NFIA: variants seen among roughly 807,000 people sequenced by gnomAD.
NFIA encodes nuclear factor I A, also known as nuclear factor 1 A-type.
Under a neutral mutation model 62.8 loss-of-function variants are expected in NFIA, and 8 were observed. That is an observed-to-expected ratio of 0.13 (90% CI 0.07 to 0.23). The LOEUF (loss-of-function observed/expected upper bound fraction) is 0.23. NFIA is among the 10% of genes least tolerant of loss of function. The pLI is 1.00. For synonymous variants in NFIA, 235 were observed against 238.1 expected, an observed-to-expected ratio of 0.99 and a Z score of 0.12; for missense variants, 410 against 642.1, an observed-to-expected ratio of 0.64 and a Z score of 3.91.
At chr1:61,104,084 C>A (rs1482583518) in intron 2 of NFIA, among the ~76,000 whole-genome samples, 1 of 152,032 alleles carries the variant, frequency 6.6e-6, no homozygotes, top group Non-Finnish European at 1.5e-5. Context: ...TTATCAAGTG[C>A]CTACTATGTG....
chr1:61,314,267 T>C (rs962567977), intron 3 of NFIA, among the ~76,000 whole-genome samples: 7 of 152,128 alleles, frequency 4.6e-5, no homozygotes, highest in East Asian at 1.9e-4. Flanking sequence ...CCACATTGTA[T>C]TGTAATGCTT....
intron 3 of NFIA, among the ~76,000 whole-genome samples, chr1:61,286,624 C>T (rs1658520071): frequency 6.6e-6 from 1 of 152,146 alleles, no homozygotes; most frequent in Non-Finnish European, 1.5e-5. Flanking sequence ...ATGTTCTAGG[C>T]ATCACACTGA....
intron 2 of NFIA, among the ~76,000 whole-genome samples, chr1:61,147,381 C>A (rs1482845328): frequency 6.6e-6 from 1 of 152,148 alleles, no homozygotes; most frequent in African/African-American, 2.4e-5. Context: ...AAACTCCTGA[C>A]CTCAAGTGAT....
intron 2 of NFIA, among the ~76,000 whole-genome samples, chr1:61,190,454 A>C (rs764839334): frequency 6.6e-6 from 1 of 152,242 alleles, no homozygotes; most frequent in Non-Finnish European, 1.5e-5. Context: ...ATTGGGATTT[A>C]AAGTTCCAAA....
At chr1:61,362,699 A>T (rs895481144) in intron 6 of NFIA, among the ~76,000 whole-genome samples, 1 of 152,330 alleles carries the variant, frequency 6.6e-6, no homozygotes, top group Admixed American at 6.5e-5. Context: ...ATTAAAGATG[A>T]TGTTAGTTTA....
intron 2 of NFIA, among the ~76,000 whole-genome samples, chr1:61,164,881 T>C (rs1649466762): frequency 6.6e-6 from 1 of 152,190 alleles, no homozygotes; most frequent in Non-Finnish European, 1.5e-5. Flanking sequence ...GAAACCCAAC[T>C]GCAGGACCTG....
chr1:61,391,471 CA>C (rs1375134290), intron 7 of NFIA, among the ~76,000 whole-genome samples: 1 of 148,108 alleles, frequency 6.8e-6, no homozygotes, highest in Non-Finnish European at 1.5e-5. Context: ...CACACACACA[CA>C]CACACACACA....
intron 4 of NFIA, among the ~76,000 whole-genome samples, chr1:61,352,247 A>G (rs943268887): frequency 2.0e-5 from 3 of 152,220 alleles, no homozygotes; most frequent in African/African-American, 7.2e-5. Flanking sequence ...AAGATGAAAA[A>G]TATATTAGAA....
intron 2 of NFIA, among the ~76,000 whole-genome samples, chr1:61,160,800 A>G (rs1649144587): frequency 6.6e-6 from 1 of 152,244 alleles, no homozygotes; most frequent in Non-Finnish European, 1.5e-5. Context: ...AATGGTTGTC[A>G]TCATGATATA....
chr1:61,347,977 G>A (rs545520857), intron 4 of NFIA, among the ~76,000 whole-genome samples: 1 of 152,264 alleles, frequency 6.6e-6, no homozygotes, highest in East Asian at 1.9e-4. Context: ...AATGCACTTT[G>A]AGGTTTGAGA....
At chr1:61,079,472 A>G (rs1646069869), upstream of NFIA, among the ~76,000 whole-genome samples, 1 of 152,236 alleles carries the variant, frequency 6.6e-6, no homozygotes, top group Non-Finnish European at 1.5e-5. Flanking sequence ...AAAACACAGT[A>G]AATGCAAGGC....
chr1:61,166,130 C>T (rs1649548215), intron 2 of NFIA, among the ~76,000 whole-genome samples: 1 of 152,054 alleles, frequency 6.6e-6, no homozygotes, highest in South Asian at 2.1e-4. Context: ...ATAATTATTG[C>T]TTTGTTTTAA....
intron 2 of NFIA, among the ~76,000 whole-genome samples, chr1:61,225,044 C>A (rs1654241921): frequency 6.6e-6 from 1 of 152,090 alleles, no homozygotes; most frequent in South Asian, 2.1e-4. Flanking sequence ...ATATTATTTT[C>A]CAGATTCATG....
At chr1:61,348,052 CTGCCT>C (rs1662338959) in intron 4 of NFIA, among the ~76,000 whole-genome samples, 1 of 152,202 alleles carries the variant, frequency 6.6e-6, no homozygotes, top group Non-Finnish European at 1.5e-5. Context: ...TCCAAAAAGC[CTGCCT>C]AAAGCCCACC....
chr1:61,304,674 T>C (rs1389640024), intron 3 of NFIA, among the ~76,000 whole-genome samples: 3 of 152,114 alleles, frequency 2.0e-5, no homozygotes, highest in East Asian at 3.9e-4. Context: ...CTGATTTTTT[T>C]TTTTGTAGGA....
Position 61,087,914 on chromosome 1 carries a change from G to GT in NFIA, c.28-229dup, listed in dbSNP as rs569661367. 5.9e-5 allele frequency among the ~76,000 whole-genome samples: 9 copies of GT among 152,218 alleles called. No homozygotes were observed. In the East Asian group the frequency reaches 1.5e-3, roughly 26 times the overall value. On this transcript the variant is annotated intron_variant, in intron 1 of 10. Transcript: ENST00000403491. Reference sequence around the variant, plus strand: ...GTACCCTGGTGAACATATTAAAACAGTTTTTTAATTTTCAGCAGTTTTTTT... The same window carrying GT: ...GTACCCTGGTGAACATATTAAAACAGTTTTTTTAATTTTCAGCAGTTTTTTT...
upstream of NFIA, among the ~76,000 whole-genome samples, chr1:61,081,470 GCCTATGT>G (rs1179967846): frequency 6.6e-6 from 1 of 152,186 alleles, no homozygotes; most frequent in Non-Finnish European, 1.5e-5. Flanking sequence ...GGTAATGATA[GCCTATGT>G]CCAGTTCTGG....
intron 3 of NFIA, among the ~76,000 whole-genome samples, chr1:61,283,752 G>A (rs1186428014): frequency 1.3e-5 from 2 of 151,406 alleles, no homozygotes; most frequent in African/African-American, 2.4e-5. Flanking sequence ...GTTTTAAATT[G>A]TTTTTACTAC....
chr1:61,312,114 C>A (rs907761163), intron 3 of NFIA, among the ~76,000 whole-genome samples: 3 of 152,216 alleles, frequency 2.0e-5, no homozygotes, highest in Non-Finnish European at 2.9e-5. Flanking sequence ...TGCAGTAACA[C>A]CTGCACTCTA....
Sources: gnomAD v4.1 joint callset for allele counts (sites outside exome capture counted in the v4.1 genomes callset) on GRCh38, gnomAD v4.1.1 for gene constraint, MANE v1.5 for transcripts, NCBI Gene and HGNC (gene_info 2026-07-23, HGNC 2026-07-21) for gene names.